PARP9: variants seen among roughly 807,000 people sequenced by gnomAD.
PARP9 encodes the protein poly(ADP-ribose) polymerase family member 9.
Under a neutral mutation model 68.8 loss-of-function variants are expected in PARP9, and 48 were observed. That is an observed-to-expected ratio of 0.70 (90% CI 0.55 to 0.89). PARP9 has a LOEUF of 0.89. Among genes scored for constraint, PARP9 ranks in the 40% least tolerant of loss-of-function variants. PARP9 has a pLI of 0.00. For missense variants in PARP9, 806 were observed against 969.3 expected (o/e 0.83, Z 2.24); for synonymous variants, 309 against 333.8 (o/e 0.93, Z 0.81).
intron 2 of PARP9, among the ~76,000 whole-genome samples, chr3:122,558,903 C>T (rs577292313): frequency 3.9e-5 from 6 of 152,198 alleles, no homozygotes; most frequent in African/African-American, 9.6e-5. Context: ...TAGAGATGAG[C>T]GGAGTCTTGC....
intron 10 of PARP9, chr3:122,535,916 T>C (rs1281063091): frequency 5.8e-6 from 8 of 1,380,108 alleles, no homozygotes; most frequent in Admixed American, 3.2e-5. Context: ...AGAAAAACAG[T>C]GAACCGTAGT....
At chr3:122,532,431 G>A in intron 10 of PARP9, 2 of 984,948 alleles carry the variant, frequency 2.0e-6, no homozygotes, top group Non-Finnish European at 2.4e-6. Context: ...GAGGAGAAAA[G>A]GGGCAAACAT....
rs2079867263 is a variant in PARP9, at chr3:122,558,186, C to T, written c.49+248G>A. ...GGCCACCCCATCTGGTCAATTCAGC[C>T]ATAGGCTGTCGTTAAAAGAGTCTCA... On this transcript the variant is annotated intron_variant, in intron 3 of 10. Coordinates refer to ENST00000682323, the MANE Select transcript of PARP9 (RefSeq NM_001146105.2). The T allele has an allele frequency of 4.7e-6, 5 of 1,053,684 alleles. No individual in the cohort carries two copies. The Admixed American group carries it at 8.2e-5, about 17-fold the overall frequency. The allele number at this position is 1,053,684 out of a possible 1,614,324, so 65.3% of individuals were successfully genotyped here.
chr3:122,563,467 TA>T (rs969273705), intron 1 of PARP9, among the ~76,000 whole-genome samples: 2 of 152,254 alleles, frequency 1.3e-5, no homozygotes, highest in African/African-American at 4.8e-5. Flanking sequence ...CTTTATCCTT[TA>T]AAAATTTCCT....
upstream of PARP9, chr3:122,564,753 C>T: frequency 9.1e-7 from 1 of 1,093,260 alleles, no homozygotes; most frequent in Non-Finnish European, 1.3e-6. Context: ...GGACGGGGCC[C>T]TACTGCCAAG....
chr3:122,559,344 G>A (rs2079992458), intron 2 of PARP9, among the ~76,000 whole-genome samples: 1 of 152,054 alleles, frequency 6.6e-6, no homozygotes, highest in Non-Finnish European at 1.5e-5. Flanking sequence ...ACCCCAACCC[G>A]AAAAAGCAGA....
chr3:122,555,387 C>T lies in PARP9; in HGVS notation c.784G>A (p.Gly262Arg). 6.2e-7 allele frequency: 1 copy of T among 1,614,094 alleles called. No individual in the cohort carries two copies. The highest frequency in any genetic ancestry group is 8.5e-7 in the Non-Finnish European group (1 of 1,180,004). Residue 262 changes from glycine to arginine, a missense_variant, in exon 4 of 11, where the codon GGG (glycine) becomes AGG (arginine). By Grantham distance (125) the Gly-to-Arg change is moderately radical. Coordinates refer to ENST00000682323, the MANE Select transcript of PARP9 (RefSeq NM_001146105.2). ...GTTTCTTGTCCCAGCTCACTCTTCCCTAGGATGAATTCTGAAGCAGCTTTA... is the reference window on the plus strand; with the variant it reads ...GTTTCTTGTCCCAGCTCACTCTTCCTTAGGATGAATTCTGAAGCAGCTTTA... ...AFKAASEFIL[G>R]KSELGQETTP...
At chr3:122,549,613 T>G (rs1239112922) in intron 6 of PARP9, among the ~76,000 whole-genome samples, 1 of 152,006 alleles carries the variant, frequency 6.6e-6, no homozygotes, top group Admixed American at 6.6e-5. Flanking sequence ...AGACTGCTTT[T>G]CTACAAAAAA....
chr3:122,536,858 T>G, intron 9 of PARP9, 76 bp downstream of exon 9: 2 of 1,504,504 alleles, frequency 1.3e-6, no homozygotes, highest in South Asian at 1.3e-5. Context: ...CATCAGCAGG[T>G]GAGCTTTTCC....
chr3:122,540,899 T>TG (rs761978910), intron 7 of PARP9, 47 bp from the exon 8 acceptor site: 2 of 1,437,850 alleles, frequency 1.4e-6, no homozygotes, highest in African/African-American at 1.6e-5. Context: ...CAGTTTTTTG[T>TG]TTTTTTTTTG....
At chr3:122,554,035 C>T (rs1357434589) in intron 4 of PARP9, among the ~76,000 whole-genome samples, 2 of 152,190 alleles carry the variant, frequency 1.3e-5, no homozygotes, top group Non-Finnish European at 2.9e-5. Context: ...CCCAGTGACC[C>T]CCAGCTAAAT....
chr3:122,555,391 G>A lies in PARP9; in HGVS notation c.780C>T (p.Ile260=), dbSNP rs1396651952. 1.9e-6 allele frequency: 3 copies of A among 1,614,094 alleles called. No individual in the cohort carries two copies. The highest frequency in any genetic ancestry group is 2.5e-6 in the Non-Finnish European group (3 of 1,180,014). Residue 260 remains isoleucine (I), a synonymous_variant, in exon 4 of 11, where the codon ATC becomes ATT. Coordinates refer to ENST00000682323, the MANE Select transcript of PARP9 (RefSeq NM_001146105.2). ...CTTGTCCCAGCTCACTCTTCCCTAGGATGAATTCTGAAGCAGCTTTAAAGG... is the reference window on the plus strand; with the variant it reads ...CTTGTCCCAGCTCACTCTTCCCTAGAATGAATTCTGAAGCAGCTTTAAAGG... The part of the protein sequence containing the change: ...VAAFKAASEF[I]LGKSELGQET...
chr3:122,551,801 G>T (rs2079223324), intron 5 of PARP9, among the ~76,000 whole-genome samples: 1 of 152,204 alleles, frequency 6.6e-6, no homozygotes, highest in South Asian at 2.1e-4. Flanking sequence ...GGCCAACGAG[G>T]TCACTGGGTA....
At chr3:122,535,821 A>C in intron 10 of PARP9, 1 of 1,113,062 alleles carries the variant, frequency 9.0e-7, no homozygotes, top group Non-Finnish European at 1.1e-6. Flanking sequence ...TGTTGGTAAT[A>C]ATTTTGTTGA....
chr3:122,542,694 G>C (rs1191242360), intron 7 of PARP9, among the ~76,000 whole-genome samples: 1 of 151,582 alleles, frequency 6.6e-6, no homozygotes, highest in East Asian at 2.0e-4. Context: ...TGGCCAGGCT[G>C]GTCTTGAACT....
At chr3:122,541,331 C>T (rs924566256) in intron 7 of PARP9, among the ~76,000 whole-genome samples, 4 of 152,212 alleles carry the variant, frequency 2.6e-5, no homozygotes, top group African/African-American at 9.7e-5. Flanking sequence ...GGAAATCAAC[C>T]TGTATCGTTT....
At position 122,537,001 on chromosome 3, in the gene PARP9, A is replaced by G. The variant is rs375474400; in HGVS notation, c.1838T>C (p.Val613Ala). The G allele has an allele frequency of 3.7e-6, 6 of 1,613,868 alleles. No homozygotes were observed. Among genetic ancestry groups the G allele is most frequent in the Non-Finnish European group, 1.7e-6 (2 of 1,179,876 alleles). The change falls in exon 9 of 11, where the codon GTG (valine) becomes GCG (alanine). Residue 613 changes from valine to alanine, a missense_variant. This residue lies in a region of PARP9 where 680 missense variants were observed against 858.8 expected (regional missense o/e 0.79). Coordinates refer to ENST00000682323, the MANE Select transcript of PARP9 (RefSeq NM_001146105.2). ...KENIIFLKCP[V>A]PPTQELLDQK... Reference sequence around the variant, plus strand: ...ATCTAGAAGCTCTTGAGTTGGAGGCACAGGACATTTCAGAAATATGATATT... The same window carrying G: ...ATCTAGAAGCTCTTGAGTTGGAGGCGCAGGACATTTCAGAAATATGATATT...
intron 5 of PARP9, 102 bp from the exon 6 acceptor site, chr3:122,550,904 C>T (rs1374442842): frequency 5.6e-6 from 6 of 1,064,568 alleles, no homozygotes; most frequent in Non-Finnish European, 8.3e-6. Context: ...CTTCACCCTC[C>T]CTCAGGGTTC....
At chr3:122,532,174 T>C in intron 10 of PARP9, 1 of 985,396 alleles carries the variant, frequency 1.0e-6, no homozygotes, top group Non-Finnish European at 1.2e-6. Flanking sequence ...CCCAAGACCC[T>C]GCATTCAGCT....
Sources: allele counts gnomAD v4.1 joint callset (sites outside exome capture counted in the v4.1 genomes callset), GRCh38; gene constraint gnomAD v4.1.1; regional missense constraint gnomAD v4.1.1; transcripts MANE v1.5; gene names NCBI Gene and HGNC (gene_info 2026-07-23, HGNC 2026-07-21).